LARGE1: variants seen among roughly 807,000 people sequenced by gnomAD.
LARGE1 encodes the protein LARGE xylosyl- and glucuronyltransferase 1.
LARGE1 carries 43 observed loss-of-function variants against 87.6 expected under a neutral mutation model. The observed-to-expected ratio is 0.49, with a 90% confidence interval of 0.38 to 0.63. The LOEUF (loss-of-function observed/expected upper bound fraction) is 0.63. Among genes scored for constraint, LARGE1 ranks in the 30% least tolerant of loss-of-function variants. The probability of loss-of-function intolerance (pLI) is 0.00; values close to 1 mark genes in which losing one functional copy is unlikely to be tolerated. For synonymous variants in LARGE1, 434 were observed against 394.6 expected, an observed-to-expected ratio of 1.10 and a Z score of -1.18; for missense variants, 802 against 1,000.2, an observed-to-expected ratio of 0.80 and a Z score of 2.67.
intron 1 of LARGE1, among the ~76,000 whole-genome samples, chr22:33,782,097 A>G (rs762168207): frequency 1.3e-5 from 2 of 152,238 alleles, no homozygotes; most frequent in Admixed American, 6.5e-5. Context: ...AAAGTTAGCC[A>G]GAGGGCAAAG....
intron 6 of LARGE1, among the ~76,000 whole-genome samples, chr22:33,475,880 G>C (rs1440224570): frequency 6.6e-6 from 1 of 152,334 alleles, no homozygotes; most frequent in East Asian, 1.9e-4. Flanking sequence ...AATTTGGATA[G>C]GTGTTATTAG....
intron 2 of LARGE1, among the ~76,000 whole-genome samples, chr22:33,662,467 A>C (rs543900338): frequency 1.3e-5 from 2 of 152,158 alleles, no homozygotes; most frequent in South Asian, 4.2e-4. Flanking sequence ...CCCTTCATCC[A>C]AACTCCCCAC....
chr22:33,440,201 A>T (rs572543338), intron 6 of LARGE1, among the ~76,000 whole-genome samples: 38 of 152,322 alleles, frequency 2.5e-4, no homozygotes, highest in Non-Finnish European at 5.3e-4. Context: ...TGGATGAATG[A>T]ATGGGTGAAT....
At chr22:33,447,015 T>C (rs537473124) in intron 6 of LARGE1, among the ~76,000 whole-genome samples, 1 of 152,204 alleles carries the variant, frequency 6.6e-6, no homozygotes. Context: ...TGCCTCAGCC[T>C]CCCATGTAGT....
At chr22:33,767,262 C>A (rs991405627) in intron 1 of LARGE1, among the ~76,000 whole-genome samples, 16 of 151,400 alleles carry the variant, frequency 1.1e-4, no homozygotes, top group African/African-American at 3.9e-4. Flanking sequence ...GCGGAGGTTA[C>A]AATCAGCTGA....
chr22:33,070,773 C>T, the LARGE1 span, among the ~76,000 whole-genome samples: 31 of 152,258 alleles, frequency 2.0e-4, no homozygotes, highest in Middle Eastern at 3.4e-3. Context: ...GTGAGTGTTC[C>T]AGGCACATTT....
chr22:33,347,391 T>C (rs1939885155), intron 9 of LARGE1, among the ~76,000 whole-genome samples: 1 of 152,238 alleles, frequency 6.6e-6, no homozygotes, highest in African/African-American at 2.4e-5. Flanking sequence ...TGCCCTTTGG[T>C]TCAAGAATGG....
At position 33,404,679 on chromosome 22, in the gene LARGE1, G is replaced by A. The variant is rs575971703; in HGVS notation, c.893-20375C>T. ...AGGGAGAACTAAATCCAGCTTTCTCGTGTCAATCGTTTAAACAGAATGTGC... is the reference window on the plus strand; with the variant it reads ...AGGGAGAACTAAATCCAGCTTTCTCATGTCAATCGTTTAAACAGAATGTGC... On this transcript the variant is annotated intron_variant, in intron 7 of 14. Transcript: ENST00000397394. Among the ~76,000 whole-genome samples, 21 of 152,324 alleles carry A rather than the reference G, an allele frequency of 1.4e-4. No homozygotes were observed. In the South Asian group the frequency reaches 3.3e-3, roughly 24 times the overall value.
chr22:33,542,162 C>CAAAAAAAAAAAAAAAAAAAA (rs150998193), intron 6 of LARGE1, among the ~76,000 whole-genome samples: 1 of 92,696 alleles, frequency 1.1e-5, no homozygotes, highest in African/African-American at 4.1e-5. Context: ...AACTCTGTCT[C>CAAAAAAAAAAAAAAAAAAAA]AAAAAAAAAA....
intron 7 of LARGE1, among the ~76,000 whole-genome samples, chr22:33,430,663 G>A (rs964086925): frequency 6.6e-6 from 1 of 152,188 alleles, no homozygotes. Context: ...CCGTCTCTTA[G>A]GATGGCCGTC....
chr22:33,197,110 A>C (rs1924122469), intron 11 of LARGE1, among the ~76,000 whole-genome samples: 1 of 152,168 alleles, frequency 6.6e-6, no homozygotes, highest in Non-Finnish European at 1.5e-5. Context: ...ATACACTTTC[A>C]TGGAAACAAA....
chr22:33,458,542 C>CA (rs1272938394), intron 6 of LARGE1, among the ~76,000 whole-genome samples: 3 of 151,988 alleles, frequency 2.0e-5, no homozygotes, highest in Non-Finnish European at 4.4e-5. Flanking sequence ...AGCTATTCTC[C>CA]AGCCTCCTGA....
chr22:33,816,361 G>A (rs1443935546), intron 1 of LARGE1, among the ~76,000 whole-genome samples: 1 of 100,754 alleles, frequency 9.9e-6, no homozygotes, highest in Non-Finnish European at 2.4e-5. Flanking sequence ...CTAGAGGCTG[G>A]GAAGTCCAAG....
intron 11 of LARGE1, among the ~76,000 whole-genome samples, chr22:33,203,847 C>A (rs926031035): frequency 5.3e-5 from 8 of 152,040 alleles, no homozygotes; most frequent in African/African-American, 1.9e-4. Context: ...ACTCCCCGGA[C>A]CTTACCCTGG....
intron 2 of LARGE1, among the ~76,000 whole-genome samples, chr22:33,687,104 T>C (rs1194937267): frequency 6.6e-6 from 1 of 151,972 alleles, no homozygotes; most frequent in East Asian, 1.9e-4. Context: ...TGGAATATTC[T>C]TCCCTCAGAT....
chr22:33,632,736 T>C lies in LARGE1; in HGVS notation c.409-6410A>G, dbSNP rs139071197. ...TTTCCTCAGCATCTCACTTGTCCTG[T>C]TGGCTGGAAAGAAAGCACAGAAGAC... On this transcript the variant is annotated intron_variant, in intron 3 of 14. Coordinates refer to ENST00000397394, the MANE Select transcript of LARGE1 (RefSeq NM_133642.5). 1.8e-3 allele frequency among the ~76,000 whole-genome samples: 275 copies of C among 152,182 alleles called. 1 individual carries two copies. The highest frequency in any genetic ancestry group is 6.3e-3 in the African/African-American group (260 of 41,532).
intron 6 of LARGE1, among the ~76,000 whole-genome samples, chr22:33,479,528 T>G (rs2069221222): frequency 6.6e-6 from 1 of 152,172 alleles, no homozygotes; most frequent in Non-Finnish European, 1.5e-5. Flanking sequence ...GCCTGGCATA[T>G]AACAGAAACT....
chr22:33,769,539 C>A (rs1334354889), intron 1 of LARGE1, among the ~76,000 whole-genome samples: 1 of 152,172 alleles, frequency 6.6e-6, no homozygotes, highest in East Asian at 1.9e-4. Flanking sequence ...AGCAGTCTCA[C>A]TGGATATTCA....
intron 6 of LARGE1, among the ~76,000 whole-genome samples, chr22:33,451,056 G>A (rs868664101): frequency 6.6e-6 from 1 of 152,070 alleles, no homozygotes; most frequent in African/African-American, 2.4e-5. Context: ...TGCCCTCTTC[G>A]GAGAGAATTC....
Sources: gnomAD v4.1 joint callset for allele counts (sites outside exome capture counted in the v4.1 genomes callset) on GRCh38, gnomAD v4.1.1 for gene constraint, MANE v1.5 for transcripts, NCBI Gene and HGNC (gene_info 2026-07-23, HGNC 2026-07-21) for gene names.